Variants in ILDR1 observed in about 807,000 individuals in gnomAD.
The protein encoded by ILDR1 is immunoglobulin like domain containing receptor 1, also known as immunoglobulin-like domain-containing receptor 1.
In ILDR1, 56 loss-of-function variants were observed where a neutral mutation model predicts 62.4. The ratio of observed to expected loss-of-function variants is 0.90; its 90% CI spans 0.72 to 1.12. ILDR1 has a LOEUF of 1.12. ILDR1 is among the 50% of genes most tolerant of loss of function. The pLI, the probability that ILDR1 is intolerant of heterozygous loss-of-function variation, is 0.00. For synonymous variants in ILDR1, 284 were observed against 277.8 expected, an observed-to-expected ratio of 1.02 and a Z score of -0.22; for missense variants, 736 against 710.6, an observed-to-expected ratio of 1.04 and a Z score of -0.41.
chr3:122,000,061 A>G (rs2071494313), intron 5 of ILDR1, among the ~76,000 whole-genome samples: 1 of 151,340 alleles, frequency 6.6e-6, no homozygotes, highest in African/African-American at 2.4e-5. Context: ...AAAAAAAAAC[A>G]GCCACAGATG....
chr3:122,024,675 A>C (rs2071906154), upstream of ILDR1, among the ~76,000 whole-genome samples: 1 of 152,240 alleles, frequency 6.6e-6, no homozygotes, highest in South Asian at 2.1e-4. Context: ...CAATAACTGC[A>C]TGAAATAAGG....
chr3:122,052,131 A>G, the ILDR1 span, among the ~76,000 whole-genome samples: 3 of 151,700 alleles, frequency 2.0e-5, no homozygotes, highest in Non-Finnish European at 4.4e-5. Flanking sequence ...CACATGTTCT[A>G]TTTTTCTCTT....
chr3:122,060,065 G>A, the ILDR1 span, among the ~76,000 whole-genome samples: 1 of 152,146 alleles, frequency 6.6e-6, no homozygotes, highest in Admixed American at 6.5e-5. Context: ...TGTTACCACA[G>A]CCCCAGCAAA....
chr3:122,049,257 A>G, the ILDR1 span, among the ~76,000 whole-genome samples: 24 of 152,128 alleles, frequency 1.6e-4, no homozygotes, highest in South Asian at 3.9e-3. Context: ...TATTATTTCA[A>G]TCTTAAATGT....
the ILDR1 span, among the ~76,000 whole-genome samples, chr3:122,051,246 C>T: frequency 6.6e-6 from 1 of 152,142 alleles, no homozygotes; most frequent in African/African-American, 2.4e-5. Flanking sequence ...TTGGACTGCT[C>T]TAATAGATAT....
chr3:122,029,138 T>G, the ILDR1 span, among the ~76,000 whole-genome samples: 1 of 152,180 alleles, frequency 6.6e-6, no homozygotes, highest in South Asian at 2.1e-4. Flanking sequence ...GACTAAAGCA[T>G]TATGCTAATT....
chr3:122,054,934 C>A, the ILDR1 span, among the ~76,000 whole-genome samples: 1 of 152,044 alleles, frequency 6.6e-6, no homozygotes, highest in East Asian at 1.9e-4. Flanking sequence ...AACATCTCCC[C>A]ATCTCCCATC....
chr3:122,029,509 A>ATAT, the ILDR1 span, among the ~76,000 whole-genome samples: 1 of 113,506 alleles, frequency 8.8e-6, no homozygotes, highest in African/African-American at 3.7e-5. Flanking sequence ...CCGTCTAAAA[A>ATAT]AAATATATAT....
At chr3:122,003,304 C>G (rs1052606081) in intron 3 of ILDR1, among the ~76,000 whole-genome samples, 2 of 152,132 alleles carry the variant, frequency 1.3e-5, no homozygotes, top group African/African-American at 4.8e-5. Context: ...CACCAGTGGA[C>G]CTAACTTTGA....
intron 1 of ILDR1, among the ~76,000 whole-genome samples, chr3:122,021,432 G>C (rs999097830): frequency 6.6e-6 from 1 of 152,200 alleles, no homozygotes; most frequent in Non-Finnish European, 1.5e-5. Flanking sequence ...AAGCCTGAGA[G>C]GGTAGATGGT....
At position 121,987,445 on chromosome 3, in the gene ILDR1, T is replaced by C. The variant is rs771165221; in HGVS notation, c.*922A>G. The C allele has an allele frequency of 2.0e-4, 31 of 152,152 alleles. No homozygotes were observed. The highest frequency in any genetic ancestry group is 4.0e-4 in the Non-Finnish European group (27 of 68,032). The allele number at this position is 152,152 out of a possible 1,614,324, so 9.4% of individuals were successfully genotyped here. A position where few individuals can be genotyped will look rare whatever the true frequency, so the allele number is the denominator to read the frequency against. On this transcript the variant is annotated 3_prime_UTR_variant, in exon 8 of 8. Transcript: ENST00000344209. ...GTGACTTCAATCAATACACAATATA[T>C]ATGAAAATATAAATTAGATATACAG... is the stretch of plus-strand genomic sequence containing the variant.
At chr3:122,027,437 G>A in the ILDR1 span, among the ~76,000 whole-genome samples, 24 of 152,240 alleles carry the variant, frequency 1.6e-4, no homozygotes, top group South Asian at 2.9e-3. Context: ...TGGTCCACCC[G>A]CCTTGGACCC....
intron 1 of ILDR1, among the ~76,000 whole-genome samples, chr3:122,016,862 T>A (rs1189106055): frequency 6.6e-6 from 1 of 152,136 alleles, no homozygotes; most frequent in African/African-American, 2.4e-5. Flanking sequence ...ATAAGAATTG[T>A]CACCCAAAAT....
rs1389061542 is a variant in ILDR1, at chr3:121,993,620, G to A, written c.1129C>T (p.His377Tyr). ...GRSHHHYPDF[H>Y]QELQDRGPKS... ...GGCCCCCGGTCCTGGAGCTCCTGGT[G>A]GAAATCAGGGTAATGGTGGTGGCTT... Residue 377 changes from histidine to tyrosine, a missense_variant, in exon 7 of 8, where the codon CAC becomes TAC. Coordinates refer to ENST00000344209, the MANE Select transcript of ILDR1 (RefSeq NM_001199799.2). The A allele has an allele frequency of 1.9e-6, 3 of 1,614,206 alleles. No homozygotes were observed. Among genetic ancestry groups the A allele is most frequent in the East Asian group, 4.5e-5 (2 of 44,880 alleles).
At chr3:122,018,793 G>A (rs911097325) in intron 1 of ILDR1, among the ~76,000 whole-genome samples, 1 of 152,156 alleles carries the variant, frequency 6.6e-6, no homozygotes, top group Non-Finnish European at 1.5e-5. Flanking sequence ...GAGCTCCCAA[G>A]GAGACAAGGG....
At chr3:122,017,927 C>A (rs2071799585) in intron 1 of ILDR1, among the ~76,000 whole-genome samples, 1 of 152,162 alleles carries the variant, frequency 6.6e-6, no homozygotes, top group Non-Finnish European at 1.5e-5. Flanking sequence ...AATAGGAACG[C>A]TTTTACACTG....
intron 5 of ILDR1, among the ~76,000 whole-genome samples, chr3:121,995,545 G>A (rs192449105): frequency 2.6e-5 from 4 of 152,136 alleles, no homozygotes; most frequent in Middle Eastern, 3.2e-3. Context: ...AGAAATGTCC[G>A]GAGCTCCAAC....
At chr3:122,007,605 T>A (rs1198204207) in intron 1 of ILDR1, among the ~76,000 whole-genome samples, 1 of 152,222 alleles carries the variant, frequency 6.6e-6, no homozygotes, top group African/African-American at 2.4e-5. Context: ...ACTGCCCTTC[T>A]CGTCTGCCCC....
chr3:122,021,416 A>G (rs1391643050), intron 1 of ILDR1, among the ~76,000 whole-genome samples: 1 of 152,208 alleles, frequency 6.6e-6, no homozygotes, highest in Admixed American at 6.5e-5. Flanking sequence ...GGAGGGTAAG[A>G]GAATGAAGCC....
Sources: allele counts gnomAD v4.1 joint callset (sites outside exome capture counted in the v4.1 genomes callset), GRCh38; gene constraint gnomAD v4.1.1; transcripts MANE v1.5; gene names NCBI Gene and HGNC (gene_info 2026-07-23, HGNC 2026-07-21).